HECW1: variants seen among roughly 807,000 people sequenced by gnomAD.
The protein encoded by HECW1 is E3 ubiquitin-protein ligase HECW1.
In HECW1, 61 loss-of-function variants were observed where a neutral mutation model predicts 182.3. That is an observed-to-expected ratio of 0.33 (90% confidence interval 0.27 to 0.41). The LOEUF (loss-of-function observed/expected upper bound fraction) is 0.41, where lower values mean the gene tolerates loss of function less well. HECW1 is among the 10% of genes least tolerant of loss of function. HECW1 has a pLI of 1.00. For missense variants in HECW1, 1,739 were observed against 2,108.9 expected (o/e 0.82, Z 3.44); for synonymous variants, 859 against 832.6 (o/e 1.03, Z -0.55).
intron 2 of HECW1, among the ~76,000 whole-genome samples, chr7:43,166,375 G>C (rs1379181820): frequency 6.6e-6 from 1 of 152,162 alleles, no homozygotes; most frequent in African/African-American, 2.4e-5. Flanking sequence ...ATGAGCCACT[G>C]TGCCTGGCCT....
rs184536935 is a variant in HECW1, at chr7:43,456,734, C to T, written c.2651+287C>T. ...TTTAACCAAGGGCCAGTGTATGCCC[C>T]TCTCCTGCGATGTTCACCAAGGATG... On this transcript the variant is annotated intron_variant, in intron 13 of 29. Transcript: ENST00000395891. Among the ~76,000 whole-genome samples the T allele has an allele frequency of 3.5e-3, 539 of 152,304 alleles. 9 individuals carry two copies. Among genetic ancestry groups the T allele is most frequent in the Non-Finnish European group, 9.3e-4 (63 of 68,030 alleles).
rs190917648 is a variant in HECW1, at chr7:43,230,142, C to A, written c.-31-13733C>A. ...GCACAGTGGCTCACGCCTGTAATCC[C>A]AGCACTTGGGGAGACCGAGGCGGGA... On this transcript the variant is annotated intron_variant, in intron 2 of 29. Coordinates refer to ENST00000395891, the MANE Select transcript of HECW1 (RefSeq NM_015052.5). Among the ~76,000 whole-genome samples the A allele has an allele frequency of 2.6e-4, 39 of 152,368 alleles. No homozygotes were observed. In the East Asian group the frequency reaches 5.2e-3, roughly 20 times the overall value.
At chr7:43,537,999 T>C (rs2081239113) in intron 24 of HECW1, among the ~76,000 whole-genome samples, 1 of 152,198 alleles carries the variant, frequency 6.6e-6, no homozygotes, top group Non-Finnish European at 1.5e-5. Context: ...TCCCACCCGC[T>C]GGTTGAGAGT....
chr7:43,207,113 C>T (rs1156651609), intron 2 of HECW1, among the ~76,000 whole-genome samples: 2 of 152,166 alleles, frequency 1.3e-5, no homozygotes, highest in African/African-American at 4.8e-5. Context: ...GTGGTGCGAT[C>T]TCAGCTCACT....
rs1002651413 is a variant in HECW1, at chr7:43,112,779, G to A, written c.-425G>A. 5.7e-5 allele frequency: 13 copies of A among 229,918 alleles called. No homozygotes were observed. Among genetic ancestry groups the A allele is most frequent in the Middle Eastern group, 1.3e-3 (1 of 766 alleles). 14.2% of individuals were successfully genotyped at this position (229,918 alleles called of 1,614,324 possible). ...TGGCCGTGGCCTCCGCTCTCTCGGG[G>A]CACCCGGCAGCCAGAGCGCAGCGAG... On this transcript the variant is annotated 5_prime_UTR_variant, in exon 1 of 30. Coordinates refer to ENST00000395891, the MANE Select transcript of HECW1 (RefSeq NM_015052.5).
chr7:43,317,294 G>A (rs1809445348), intron 4 of HECW1, among the ~76,000 whole-genome samples: 6 of 152,280 alleles, frequency 3.9e-5, no homozygotes, highest in South Asian at 4.1e-4. Context: ...TGTCTTCGCC[G>A]GTGGAGAGAC....
intron 10 of HECW1, among the ~76,000 whole-genome samples, chr7:43,443,096 A>T (rs1056722468): frequency 1.3e-5 from 2 of 152,262 alleles, no homozygotes; most frequent in Non-Finnish European, 2.9e-5. Context: ...AGAAAAGTAT[A>T]AATAGGACAG....
At chr7:43,120,518 A>G (rs1172572945) in intron 2 of HECW1, among the ~76,000 whole-genome samples, 1 of 152,208 alleles carries the variant, frequency 6.6e-6, no homozygotes, top group Non-Finnish European at 1.5e-5. Context: ...GGAACATATT[A>G]GACACCACAC....
intron 8 of HECW1, among the ~76,000 whole-genome samples, chr7:43,430,749 T>G (rs969575111): frequency 1.3e-5 from 2 of 148,894 alleles, no homozygotes; most frequent in South Asian, 4.3e-4. Flanking sequence ...TTGGGGTATA[T>G]CTAGACTGTG....
chr7:43,162,778 T>C (rs1286409008), intron 2 of HECW1: 1 of 152,224 alleles, frequency 6.6e-6, no homozygotes, highest in Non-Finnish European at 1.5e-5. Context: ...CATACTACTG[T>C]AATAATAACA....
chr7:43,438,909 A>G (rs574640059), intron 9 of HECW1: 1 of 152,376 alleles, frequency 6.6e-6, no homozygotes, highest in Non-Finnish European at 1.5e-5. Flanking sequence ...AAATATGCAG[A>G]ATTTCCAAGT....
At chr7:43,170,903 G>A (rs987927052) in intron 2 of HECW1, among the ~76,000 whole-genome samples, 2 of 152,200 alleles carry the variant, frequency 1.3e-5, no homozygotes, top group African/African-American at 2.4e-5. Context: ...TGCCCACACA[G>A]GGAGGAAAAG....
rs114639662 is a variant in HECW1, at chr7:43,377,643, T to A, written c.555+16663T>A. ...CATATGAATGCACAGAAATAACATTTTTTTTCTCTTTGTGAGTTTTTCCTA... is the reference window on the plus strand; with the variant it reads ...CATATGAATGCACAGAAATAACATTATTTTTCTCTTTGTGAGTTTTTCCTA... On this transcript the variant is annotated intron_variant, in intron 6 of 29. Transcript: ENST00000395891. 6.2e-3 allele frequency: 1,243 copies of A among 201,236 alleles called. 9 individuals carry two copies. Among genetic ancestry groups the A allele is most frequent in the Middle Eastern group, 0.025 (15 of 594 alleles). The allele number at this position is 201,236 out of a possible 1,614,324, so 12.5% of individuals were successfully genotyped here.
rs112995244 is a variant in HECW1, at chr7:43,315,557, G to A, written c.352+3470G>A. On this transcript the variant is annotated intron_variant, in intron 4 of 29. Transcript: ENST00000395891. ...TGCCCAGGCTAGAGTACAATGGCAC[G>A]ATCCCAGCTCACTGCAACCTCCGCC... is the stretch of plus-strand genomic sequence containing the variant. 8.2e-3 allele frequency among the ~76,000 whole-genome samples: 1,246 copies of A among 151,810 alleles called. 13 individuals are homozygous for A. The highest frequency in any genetic ancestry group is 0.029 in the African/African-American group (1,201 of 41,394).
chr7:43,259,063 A>G (rs988507785), intron 3 of HECW1, among the ~76,000 whole-genome samples: 3 of 152,232 alleles, frequency 2.0e-5, no homozygotes, highest in Non-Finnish European at 2.9e-5. Context: ...AAACAATAGT[A>G]TGCTTCAGTC....
intron 3 of HECW1, among the ~76,000 whole-genome samples, chr7:43,269,716 G>T (rs1358316400): frequency 6.6e-6 from 1 of 152,204 alleles, no homozygotes; most frequent in Non-Finnish European, 1.5e-5. Flanking sequence ...GTTGTCAAAA[G>T]TCTAGGCTGT....
At chr7:43,403,980 A>T (rs993790146) in intron 7 of HECW1, among the ~76,000 whole-genome samples, 16 of 152,236 alleles carry the variant, frequency 1.1e-4, no homozygotes, top group African/African-American at 3.9e-4. Flanking sequence ...ATTCTCCTTT[A>T]ACGTAGCATT....
intron 8 of HECW1, among the ~76,000 whole-genome samples, chr7:43,415,294 G>T (rs866876324): frequency 6.9e-6 from 1 of 145,482 alleles, no homozygotes; most frequent in Admixed American, 6.9e-5. Flanking sequence ...ATGAAGCTTA[G>T]TTTGGCTGGA....
intron 8 of HECW1, among the ~76,000 whole-genome samples, chr7:43,418,113 A>AC (rs2076071624): frequency 6.6e-6 from 1 of 152,104 alleles, no homozygotes; most frequent in African/African-American, 2.4e-5. Context: ...CTCCATCTTC[A>AC]CGTGGTGTTC....
Sources: gnomAD v4.1 joint callset for allele counts (sites outside exome capture counted in the v4.1 genomes callset) on GRCh38, gnomAD v4.1.1 for gene constraint, MANE v1.5 for transcripts, NCBI Gene and HGNC (gene_info 2026-07-23, HGNC 2026-07-21) for gene names.